Variants in ADAMTSL1 observed in about 807,000 individuals in gnomAD.
The protein encoded by ADAMTSL1 is ADAMTS like 1.
Under a neutral mutation model 201.8 loss-of-function variants are expected in ADAMTSL1, and 126 were observed. The observed-to-expected ratio is 0.62, with a 90% CI of 0.54 to 0.72. The LOEUF is 0.72. Ranked by LOEUF, ADAMTSL1 falls within the 30% of genes least tolerant of loss-of-function variation. ADAMTSL1 has a pLI of 0.00. For missense variants in ADAMTSL1, 2,679 were observed against 2,277.8 expected, an observed-to-expected ratio of 1.18 and a Z score of -3.59; for synonymous variants, 1,121 against 903.4, an observed-to-expected ratio of 1.24 and a Z score of -4.32.
Position 18,774,486 on chromosome 9 carries a change from A to G in ADAMTSL1, c.2398-1257A>G, listed in dbSNP as rs555945095. 2.2e-4 allele frequency among the ~76,000 whole-genome samples: 34 copies of G among 151,714 alleles called. No individual in the cohort carries two copies. In the South Asian group the frequency reaches 3.2e-3, roughly 14 times the overall value. ...TCCCTGTTTCTCTGCACCCACCCAG[A>G]CTCCAATCATCTTCAAGACCTTGGT... On this transcript the variant is annotated intron_variant, in intron 17 of 28. Transcript: ENST00000380548.
At chr9:18,871,492 C>T (rs966338696) in intron 23 of ADAMTSL1, among the ~76,000 whole-genome samples, 1 of 152,114 alleles carries the variant, frequency 6.6e-6, no homozygotes, top group African/African-American at 2.4e-5. Context: ...TTATTTTGTC[C>T]ACACATACCT....
intron 4 of ADAMTSL1, among the ~76,000 whole-genome samples, chr9:18,591,450 C>G (rs1347424045): frequency 6.6e-6 from 1 of 151,974 alleles, no homozygotes; most frequent in Non-Finnish European, 1.5e-5. Context: ...TATAGTTGGG[C>G]CTTATTATTT....
intron 20 of ADAMTSL1, among the ~76,000 whole-genome samples, chr9:18,800,177 G>A (rs1192099609): frequency 6.6e-6 from 1 of 152,036 alleles, no homozygotes; most frequent in Non-Finnish European, 1.5e-5. Flanking sequence ...AGGAGTTTGA[G>A]ACCAGCCTGG....
intron 7 of ADAMTSL1, among the ~76,000 whole-genome samples, chr9:18,643,034 T>G (rs1002012846): frequency 1.3e-5 from 2 of 152,062 alleles, no homozygotes; most frequent in Non-Finnish European, 2.9e-5. Context: ...CTGAATCAAT[T>G]TACATTCCCA....
intron 13 of ADAMTSL1, among the ~76,000 whole-genome samples, chr9:18,686,884 C>T (rs936343443): frequency 2.0e-5 from 3 of 152,010 alleles, no homozygotes; most frequent in Non-Finnish European, 2.9e-5. Flanking sequence ...ACTAAAGATC[C>T]GATTAAGATG....
intron 2 of ADAMTSL1, among the ~76,000 whole-genome samples, chr9:18,173,294 T>C (rs1827987276): frequency 6.6e-6 from 1 of 152,090 alleles, no homozygotes; most frequent in Non-Finnish European, 1.5e-5. Context: ...GTGCCCAAGA[T>C]TTAATATATT....
intron 3 of ADAMTSL1, among the ~76,000 whole-genome samples, chr9:18,538,315 T>G (rs893649181): frequency 6.6e-6 from 1 of 152,154 alleles, no homozygotes; most frequent in South Asian, 2.1e-4. Context: ...CCAGCATTGT[T>G]GTGTGAAACA....
chr9:18,230,738 T>C (rs1334864839), intron 2 of ADAMTSL1, among the ~76,000 whole-genome samples: 1 of 152,178 alleles, frequency 6.6e-6, no homozygotes, highest in East Asian at 1.9e-4. Context: ...CTAAACATTA[T>C]TATAATTAAT....
At chr9:18,427,459 A>G (rs558080910) in intron 2 of ADAMTSL1, among the ~76,000 whole-genome samples, 16 of 152,264 alleles carry the variant, frequency 1.1e-4, no homozygotes, top group South Asian at 8.3e-4. Flanking sequence ...ATATCTAAAC[A>G]AATTATAAGT....
At chr9:18,568,148 T>A (rs1274463891) in intron 3 of ADAMTSL1, among the ~76,000 whole-genome samples, 1 of 152,096 alleles carries the variant, frequency 6.6e-6, no homozygotes, top group African/African-American at 2.4e-5. Context: ...TGTATATAAG[T>A]CTGAATTTCA....
intron 2 of ADAMTSL1, among the ~76,000 whole-genome samples, chr9:18,228,993 A>C (rs1830540754): frequency 6.6e-6 from 1 of 151,928 alleles, no homozygotes; most frequent in South Asian, 2.1e-4. Context: ...CACGCGCTTG[A>C]TATAGCTTTC....
chr9:18,127,543 A>C (rs1247431901), intron 1 of ADAMTSL1, among the ~76,000 whole-genome samples: 2 of 151,744 alleles, frequency 1.3e-5, no homozygotes, highest in Non-Finnish European at 1.5e-5. Flanking sequence ...TAATAGAAGG[A>C]GAATACTAAC....
intron 3 of ADAMTSL1, among the ~76,000 whole-genome samples, chr9:18,563,724 T>C (rs900960942): frequency 1.3e-5 from 2 of 152,130 alleles, no homozygotes; most frequent in East Asian, 1.9e-4. Context: ...AGAGGAGAAA[T>C]CTAGAGAGGC....
chr9:18,656,371 C>T (rs557105174), intron 7 of ADAMTSL1, among the ~76,000 whole-genome samples: 9 of 152,174 alleles, frequency 5.9e-5, no homozygotes, highest in Admixed American at 3.9e-4. Context: ...GTGGCTCACG[C>T]CTGTTATCCC....
chr9:18,089,901 T>C (rs1823933221), intron 1 of ADAMTSL1, among the ~76,000 whole-genome samples: 1 of 151,790 alleles, frequency 6.6e-6, no homozygotes, highest in South Asian at 2.1e-4. Context: ...GGTAGATCTG[T>C]TAAAAGAGTA....
intron 23 of ADAMTSL1, among the ~76,000 whole-genome samples, chr9:18,861,667 T>A (rs1827224029): frequency 6.6e-6 from 1 of 152,228 alleles, no homozygotes; most frequent in Non-Finnish European, 1.5e-5. Context: ...GTAAGGGCTG[T>A]GGATGGATTT....
intron 1 of ADAMTSL1, among the ~76,000 whole-genome samples, chr9:18,118,741 A>C (rs768022457): frequency 9.9e-5 from 15 of 152,214 alleles, no homozygotes; most frequent in Non-Finnish European, 1.9e-4. Flanking sequence ...CTGCATTGTC[A>C]GTTTGACACA....
chr9:17,985,907 A>G (rs1056980501), intron 1 of ADAMTSL1, among the ~76,000 whole-genome samples: 5 of 152,146 alleles, frequency 3.3e-5, no homozygotes, highest in Non-Finnish European at 7.4e-5. Flanking sequence ...TGCGTTGGCT[A>G]TGACAAGCCA....
chr9:18,076,423 G>C (rs1168360795), intron 1 of ADAMTSL1, among the ~76,000 whole-genome samples: 1 of 152,182 alleles, frequency 6.6e-6, no homozygotes, highest in Non-Finnish European at 1.5e-5. Context: ...AAAGATCAGT[G>C]AGCAAACACA....
Sources: allele counts gnomAD v4.1 joint callset (sites outside exome capture counted in the v4.1 genomes callset), GRCh38; gene constraint gnomAD v4.1.1; transcripts MANE v1.5; gene names NCBI Gene and HGNC (gene_info 2026-07-23, HGNC 2026-07-21).